The following RTP2 variants were observed in gnomAD, a reference collection of about 807,000 sequenced individuals.
RTP2 encodes the protein receptor transporter protein 2.
Under a neutral mutation model 17.9 loss-of-function variants are expected in RTP2, and 12 were observed. The observed-to-expected ratio is 0.67, with a 90% CI of 0.43 to 1.09. RTP2 has a LOEUF of 1.09. RTP2 is among the 50% of genes least tolerant of loss of function. The pLI, the probability that RTP2 is intolerant of heterozygous loss-of-function variation, is 0.00. For synonymous variants in RTP2, 126 were observed against 117.7 expected (o/e 1.07, Z -0.46); for missense variants, 327 against 295.7 (o/e 1.11, Z -0.78).
In RTP2 at chr3:187,699,768, CACACACACACACACAT is replaced by C. The variant is rs1406865709; in HGVS notation, c.165-773_165-758del. Among the ~76,000 whole-genome samples the C allele has an allele frequency of 2.6e-3, 153 of 58,798 alleles. 3 individuals are homozygous for C. Among genetic ancestry groups the C allele is most frequent in the East Asian group, 4.1e-3 (11 of 2,684 alleles). The allele number at this position is 58,798 out of a possible 152,430, so 38.6% of individuals were successfully genotyped here. On this transcript the variant is annotated intron_variant, in intron 1 of 1. Coordinates refer to ENST00000358241, the Ensembl canonical transcript of RTP2. ...ACACACACACACACACACACACACA[CACACACACACACACAT>C]ATATTTTCTCTCTCTCTCTTACATG...
intron 1 of RTP2, 97 bp downstream of exon 1, chr3:187,701,868 A>G (rs1009301932): frequency 3.4e-5 from 10 of 296,878 alleles, no homozygotes; most frequent in Non-Finnish European, 5.0e-5. Flanking sequence ...CTGACACCAG[A>G]ATAAGCCCGC....
chr3:187,698,740 C>G, exon 2 of RTP2: 1 of 1,614,002 alleles, frequency 6.2e-7, no homozygotes, highest in Non-Finnish European at 8.5e-7. Flanking sequence ...GGCCCGCTGT[C>G]CGGGCGGCTG....
chr3:187,706,768 G>A (rs2378317), upstream of RTP2, among the ~76,000 whole-genome samples: 149,613 of 152,228 alleles, frequency 0.98, 73,579 homozygotes, highest in Middle Eastern at 1. Flanking sequence ...ACACCTGGCT[G>A]ATTTTTGTAT....
the RTP2 span, among the ~76,000 whole-genome samples, chr3:187,713,555 TA>T: frequency 6.6e-6 from 1 of 152,234 alleles, no homozygotes; most frequent in Non-Finnish European, 1.5e-5. Flanking sequence ...AGATACCCTC[TA>T]GAGGCTTCCC....
rs1579783557 is a variant in RTP2 at position 187,702,240 on chromosome 3, A to T, written c.-112T>A. 1.7e-5 allele frequency: 19 copies of T among 1,107,568 alleles called. No individual in the cohort carries two copies. The South Asian group carries it at 2.9e-4, about 17-fold the overall frequency. The allele number at this position is 1,107,568 out of a possible 1,614,324, so 68.6% of individuals were successfully genotyped here. A position where few individuals can be genotyped will look rare whatever the true frequency, so the allele number is the denominator to read the frequency against. ...TACGGTCAGAATCCTCATCGGCAGG[A>T]CTGGGAGTAAACAGGACCCAGCTCC... On this transcript the variant is annotated 5_prime_UTR_variant, in exon 1 of 2. Coordinates refer to ENST00000358241, the Ensembl canonical transcript of RTP2.
chr3:187,712,367 GA>G, the RTP2 span, among the ~76,000 whole-genome samples: 1 of 152,108 alleles, frequency 6.6e-6, no homozygotes, highest in African/African-American at 2.4e-5. Flanking sequence ...AGTATATGGT[GA>G]ATGTCTAATA....
At position 187,699,335 on chromosome 3, in the gene RTP2, TC is replaced by T. The variant is rs59788975; in HGVS notation, c.165-325del. On this transcript the variant is annotated intron_variant, in intron 1 of 1. Coordinates refer to ENST00000358241, the Ensembl canonical transcript of RTP2. ...TGCACCTGGGCGCTGTGCAGGGTCA[TC>T]CCCCCCTCTCTGGGCTTCATTTCTC... is the stretch of plus-strand genomic sequence containing the variant. 2.0e-4 allele frequency among the ~76,000 whole-genome samples: 31 copies of T among 152,040 alleles called. No individual in the cohort carries two copies. In the South Asian group the frequency reaches 3.8e-3, roughly 18 times the overall value.
chr3:187,704,996 T>G (rs566709257), upstream of RTP2, among the ~76,000 whole-genome samples: 64 of 152,286 alleles, frequency 4.2e-4, no homozygotes, highest in Admixed American at 1.2e-3. Context: ...CCAAATTCTG[T>G]GCACCATGCT....
At chr3:187,702,599 C>T (rs1485342724), upstream of RTP2, 1 of 456,688 alleles carries the variant, frequency 2.2e-6, no homozygotes, top group South Asian at 1.5e-5. Flanking sequence ...GCAGAGCCTG[C>T]TGCTTCCACA....
At chr3:187,702,626 G>A, upstream of RTP2, 2 of 455,958 alleles carry the variant, frequency 4.4e-6, no homozygotes, top group South Asian at 3.1e-5. Context: ...GATATGCTGT[G>A]ACCATCACTT....
At chr3:187,699,943 T>C (rs1368697263) in intron 1 of RTP2, among the ~76,000 whole-genome samples, 1 of 152,156 alleles carries the variant, frequency 6.6e-6, no homozygotes, top group Non-Finnish European at 1.5e-5. Context: ...CTTTCAGTGA[T>C]GCAGCACTCC....
the RTP2 span, among the ~76,000 whole-genome samples, chr3:187,710,878 A>G: frequency 6.6e-6 from 1 of 152,162 alleles, no homozygotes; most frequent in Non-Finnish European, 1.5e-5. Flanking sequence ...GGAGACCTAG[A>G]TTCTTATCTC....
At chr3:187,715,110 G>T in the RTP2 span, among the ~76,000 whole-genome samples, 5 of 152,112 alleles carry the variant, frequency 3.3e-5, no homozygotes, top group African/African-American at 1.2e-4. Flanking sequence ...GCTGTCCTGA[G>T]ACTCCTAGGA....
At chr3:187,712,120 C>CACAT in the RTP2 span, among the ~76,000 whole-genome samples, 2 of 152,114 alleles carry the variant, frequency 1.3e-5, no homozygotes, top group African/African-American at 2.4e-5. Flanking sequence ...CACACACACA[C>CACAT]ACATACGCAC....
At chr3:187,702,172 G>A in exon 1 of RTP2, 1 of 1,557,938 alleles carries the variant, frequency 6.4e-7, no homozygotes, top group East Asian at 2.3e-5. Context: ...GCCCTGGTGA[G>A]AACACAGAAA....
chr3:187,710,006 G>A, the RTP2 span, among the ~76,000 whole-genome samples: 3 of 152,154 alleles, frequency 2.0e-5, no homozygotes, highest in Admixed American at 2.0e-4. Flanking sequence ...TGTCTGTGAG[G>A]GTGTTTTTGG....
chr3:187,714,427 A>T, the RTP2 span, among the ~76,000 whole-genome samples: 1 of 152,242 alleles, frequency 6.6e-6, no homozygotes, highest in Non-Finnish European at 1.5e-5. Flanking sequence ...GTTCTGTTAA[A>T]TGGCTCTGCT....
upstream of RTP2, among the ~76,000 whole-genome samples, chr3:187,703,393 C>T (rs11708364): frequency 0.55 from 82,912 of 152,028 alleles, 25,208 homozygotes; most frequent in East Asian, 0.79. Context: ...TCACTGGATT[C>T]TCTCTTGAAA....
the RTP2 span, among the ~76,000 whole-genome samples, chr3:187,709,102 A>C: frequency 6.6e-6 from 1 of 151,334 alleles, no homozygotes; most frequent in Non-Finnish European, 1.5e-5. Context: ...TCTTTGTCCC[A>C]CTCTCCCTGC....
Sources: allele counts gnomAD v4.1 joint callset (sites outside exome capture counted in the v4.1 genomes callset), GRCh38; gene constraint gnomAD v4.1.1; transcripts MANE v1.5; gene names NCBI Gene and HGNC (gene_info 2026-07-23, HGNC 2026-07-21).